Variants in PLXNA1 observed in about 807,000 individuals in gnomAD.
PLXNA1 encodes the protein plexin A1.
A neutral mutation model predicts 191.7 loss-of-function variants in PLXNA1; 77 were observed. That is an observed-to-expected ratio of 0.40 (90% confidence interval 0.33 to 0.49). The LOEUF (loss-of-function observed/expected upper bound fraction) is 0.49, where lower values mean the gene tolerates loss of function less well. Ranked by LOEUF, PLXNA1 falls within the 20% of genes least tolerant of loss-of-function variation. The pLI, the probability that PLXNA1 is intolerant of heterozygous loss-of-function variation, is 0.63. For synonymous variants in PLXNA1, 1,137 were observed against 1,156.4 expected, an observed-to-expected ratio of 0.98 and a Z score of 0.34; for missense variants, 2,110 against 2,660.2, an observed-to-expected ratio of 0.79 and a Z score of 4.55.
intron 23 of PLXNA1, among the ~76,000 whole-genome samples, chr3:127,023,995 C>T (rs904261537): frequency 1.1e-4 from 17 of 152,128 alleles, no homozygotes; most frequent in Non-Finnish European, 2.2e-4. Context: ...CTAGTAAGTG[C>T]CCAGTAGATG....
chr3:126,991,698 A>C (rs928715587), intron 3 of PLXNA1, 132 bp downstream of exon 3: 25 of 992,374 alleles, frequency 2.5e-5, no homozygotes, highest in Non-Finnish European at 3.2e-5. Context: ...GGGCAGGGGG[A>C]ATGTTGCCCT....
At position 126,983,283 on chromosome 3, in the gene PLXNA1, G is replaced by C. The variant is rs2078939737; in HGVS notation, c.-78G>C. 6.9e-6 allele frequency among the ~76,000 whole-genome samples: 1 copy of C among 144,162 alleles called. No individual in the cohort carries two copies. Among genetic ancestry groups the C allele is most frequent in the South Asian group, 2.1e-4 (1 of 4,750 alleles). The allele number at this position is 144,162 out of a possible 152,430, so 94.6% of individuals were successfully genotyped here. A position where few individuals can be genotyped will look rare whatever the true frequency, so the allele number is the denominator to read the frequency against. ...CCGGCGGCGGGGCGCGCCCCGGGGC[G>C]GCGGGTGAGTCGGGGCGCAACTTTC... On this transcript the variant is annotated 5_prime_UTR_variant, in exon 1 of 32. Coordinates refer to ENST00000393409, the MANE Select transcript of PLXNA1 (RefSeq NM_032242.4).
At position 126,989,261 on chromosome 3, in the gene PLXNA1, A is replaced by T; in HGVS notation, c.668A>T (p.Glu223Val). 1 of 1,613,662 alleles carries T rather than the reference A, an allele frequency of 6.2e-7. No homozygotes were observed. Among genetic ancestry groups the T allele is most frequent in the Non-Finnish European group, 8.5e-7 (1 of 1,180,032 alleles). ...ATGTTCGGCTTCGTGTACCAGGATG[A>T]GTTTGTGTCATCACAGCTCAAGATC... is the stretch of plus-strand genomic sequence containing the variant. The part of the protein sequence containing the change: ...ADMFGFVYQD[E>V]FVSSQLKIPS... The change falls in exon 2 of 32, where the codon GAG becomes GTG. Residue 223 changes from glutamate (E) to valine (V), a missense_variant. Around this residue, in one of 4 missense-constraint regions of PLXNA1, gnomAD observed 903 missense variants for 1,015.7 expected, o/e 0.89. Transcript: ENST00000393409.
Position 127,030,375 on chromosome 3 carries a change from C to G in PLXNA1, c.5194C>G (p.His1732Asp). The G allele has an allele frequency of 6.2e-7, 1 of 1,613,990 alleles. No individual in the cohort carries two copies. The highest frequency in any genetic ancestry group is 8.5e-7 in the Non-Finnish European group (1 of 1,180,018). Residue 1732 changes from histidine (H) to aspartate (D), a missense_variant, in exon 29 of 32, where the codon CAC (histidine) becomes GAC (aspartate). Physicochemically the swap from His to Asp is moderately conservative, Grantham distance 81. Transcript: ENST00000393409. ...TGAGCAGGCCGACAAGCACCAGATC[C>G]ACGATGCTGACGTGCGCCACACCTG... ...LDEQADKHQI[H>D]DADVRHTWKS...
chr3:127,032,462 G>A lies in PLXNA1; in HGVS notation c.5307G>A (p.Thr1769=), dbSNP rs376970287. 1.2e-5 allele frequency: 19 copies of A among 1,613,922 alleles called. No homozygotes were observed. Among genetic ancestry groups the A allele is most frequent in the East Asian group, 2.2e-5 (1 of 44,878 alleles). Residue 1769 remains threonine, a synonymous_variant, in exon 30 of 32, where the codon ACG becomes ACA. Transcript: ENST00000393409. The part of the protein sequence containing the change: ...FVFDIHKNSI[T]DACLSVVAQT... ...TCGACATTCACAAGAACAGCATCAC[G>A]GACGCCTGCTTGTCGGTGGTGGCCC...
chr3:126,991,337 G>C, intron 2 of PLXNA1, 47 bp from the exon 3 acceptor site: 2 of 1,601,570 alleles, frequency 1.2e-6, no homozygotes, highest in South Asian at 1.1e-5. Flanking sequence ...CCAGTCCTCC[G>C]GGAGAAGGTG....
intron 3 of PLXNA1, 111 bp from the exon 4 acceptor site, chr3:127,003,219 C>A: frequency 8.1e-7 from 1 of 1,232,256 alleles, no homozygotes; most frequent in Non-Finnish European, 1.1e-6. Context: ...TCTGCTCATG[C>A]ATGTCTGGGC....
At chr3:127,023,140 G>C (rs1015536324) in intron 23 of PLXNA1, among the ~76,000 whole-genome samples, 1 of 152,208 alleles carries the variant, frequency 6.6e-6, no homozygotes, top group Admixed American at 6.5e-5. Flanking sequence ...CCTCTGAGGG[G>C]CCAGCCTGGG....
chr3:127,000,052 G>A (rs1439932856), intron 3 of PLXNA1, among the ~76,000 whole-genome samples: 1 of 152,008 alleles, frequency 6.6e-6, no homozygotes, highest in Non-Finnish European at 1.5e-5. Flanking sequence ...GCATATCCAG[G>A]GAGGCTGCTG....
intron 3 of PLXNA1, among the ~76,000 whole-genome samples, chr3:127,001,681 G>A (rs2079041509): frequency 6.6e-6 from 1 of 152,268 alleles, no homozygotes; most frequent in South Asian, 2.1e-4. Context: ...ACTCCCTGGT[G>A]GCTGTCTTAA....
At position 127,014,612 on chromosome 3, in the gene PLXNA1, G is replaced by A; in HGVS notation, c.2739G>A (p.Glu913=). Residue 913 remains glutamate (E), a synonymous_variant, in exon 13 of 32, where the codon GAG becomes GAA. Transcript: ENST00000393409. ...GKVLCSPVES[E]YISAEQIVCE... ...TGCTGTGCAGCCCTGTGGAGAGCGA[G>A]TACATCAGTGCGGAGCAGTGAGTGC... The A allele has an allele frequency of 1.2e-6, 2 of 1,613,218 alleles. No homozygotes were observed. The highest frequency in any genetic ancestry group is 1.3e-5 in the African/African-American group (1 of 75,058).
chr3:127,022,471 C>T, intron 22 of PLXNA1, 130 bp downstream of exon 22: 3 of 1,189,410 alleles, frequency 2.5e-6, no homozygotes, highest in Non-Finnish European at 3.5e-6. Flanking sequence ...ACTCACCTGG[C>T]CTCTGAGGCT....
At chr3:127,018,660 T>C in intron 20 of PLXNA1, 132 bp downstream of exon 20, 1 of 751,722 alleles carries the variant, frequency 1.3e-6, no homozygotes, top group Non-Finnish European at 2.2e-6. Flanking sequence ...ATAGCCTTGC[T>C]GTGCCAGAGC....
intron 3 of PLXNA1, among the ~76,000 whole-genome samples, chr3:127,000,510 T>A (rs992121818): frequency 2.0e-5 from 3 of 152,206 alleles, no homozygotes; most frequent in Admixed American, 1.3e-4. Flanking sequence ...CCCTGTGCTC[T>A]GGTTCTCCTG....
At chr3:127,014,973 C>T in intron 14 of PLXNA1, 142 bp downstream of exon 14, 1 of 1,411,744 alleles carries the variant, frequency 7.1e-7, no homozygotes, top group Non-Finnish European at 9.4e-7. Flanking sequence ...CCCCTCCCCT[C>T]CTGTGCCTAG....
chr3:127,009,542 A>G (rs1309092954), intron 9 of PLXNA1, among the ~76,000 whole-genome samples: 3 of 151,746 alleles, frequency 2.0e-5, no homozygotes, highest in South Asian at 4.2e-4. Context: ...AACAATGGCC[A>G]GTGGCAGTCC....
chr3:127,034,044 T>C lies in PLXNA1; in HGVS notation c.*27T>C. 1 of 1,565,156 alleles carries C rather than the reference T, an allele frequency of 6.4e-7. No homozygotes were observed. The highest frequency in any genetic ancestry group is 8.7e-7 in the Non-Finnish European group (1 of 1,152,364). Reference sequence around the variant, plus strand: ...CCCCAGCTGTGATCATCCAGCATGATGCAGCGTGAGGACAGCTGAGCAGGG... The same window carrying C: ...CCCCAGCTGTGATCATCCAGCATGACGCAGCGTGAGGACAGCTGAGCAGGG... On this transcript the variant is annotated 3_prime_UTR_variant, in exon 32 of 32. Coordinates refer to ENST00000393409, the MANE Select transcript of PLXNA1 (RefSeq NM_032242.4).
At chr3:127,015,670 G>T (rs1000373593) in intron 15 of PLXNA1, among the ~76,000 whole-genome samples, 1 of 152,252 alleles carries the variant, frequency 6.6e-6, no homozygotes, top group African/African-American at 2.4e-5. Context: ...GAGGCTTGAA[G>T]TGGATAATTT....
intron 3 of PLXNA1, among the ~76,000 whole-genome samples, chr3:126,993,004 G>A (rs1030001595): frequency 6.6e-6 from 1 of 152,138 alleles, no homozygotes; most frequent in Non-Finnish European, 1.5e-5. Context: ...ATTTTGTGGG[G>A]CGCCCCAGAG....
Sources: allele counts gnomAD v4.1 joint callset (sites outside exome capture counted in the v4.1 genomes callset), GRCh38; gene constraint gnomAD v4.1.1; regional missense constraint gnomAD v4.1.1; transcripts MANE v1.5; gene names NCBI Gene and HGNC (gene_info 2026-07-23, HGNC 2026-07-21).